KCNQ1: variants seen among roughly 807,000 people sequenced by gnomAD.
KCNQ1 encodes potassium voltage-gated channel subfamily Q member 1.
Under a neutral mutation model 72.4 loss-of-function variants are expected in KCNQ1, and 49 were observed. The ratio of observed to expected loss-of-function variants is 0.68; its 90% confidence interval spans 0.54 to 0.86. The LOEUF (loss-of-function observed/expected upper bound fraction) is 0.86, where lower values mean the gene tolerates loss of function less well. KCNQ1 is among the 40% of genes least tolerant of loss of function. The pLI, the probability that KCNQ1 is intolerant of heterozygous loss-of-function variation, is 0.00. For synonymous variants in KCNQ1, 450 were observed against 412.6 expected (o/e 1.09, Z -1.10); for missense variants, 790 against 945.1 (o/e 0.84, Z 2.15).
At chr11:2,699,703 G>A in intron 11 of KCNQ1, 1 of 225,874 alleles carries the variant, frequency 4.4e-6, no homozygotes. Flanking sequence ...GCCCCGAGGA[G>A]AACGGCGCCG....
At chr11:2,697,292 C>A (rs778384129) in intron 11 of KCNQ1, 3 of 398,444 alleles carry the variant, frequency 7.5e-6, no homozygotes, top group Admixed American at 8.8e-5. Context: ...AGTCGTAACA[C>A]CAAAATGTTT....
At chr11:2,532,428 A>G (rs926654625) in intron 2 of KCNQ1, among the ~76,000 whole-genome samples, 2 of 152,198 alleles carry the variant, frequency 1.3e-5, no homozygotes, top group African/African-American at 4.8e-5. Context: ...CTCTCGAAGC[A>G]CTGGCCGCGT....
At chr11:2,775,082 C>T (rs1033029038) in intron 12 of KCNQ1, among the ~76,000 whole-genome samples, 2 of 152,226 alleles carry the variant, frequency 1.3e-5, no homozygotes, top group African/African-American at 2.4e-5. Context: ...AGTGGCCTCT[C>T]GGGATAGAGG....
chr11:2,662,528 G>A, intron 11 of KCNQ1: 1 of 426,878 alleles, frequency 2.3e-6, no homozygotes, highest in Non-Finnish European at 4.1e-6. Context: ...GGAAATGGCT[G>A]ATTTTCCACG....
At chr11:2,609,601 C>T (rs1439433646) in intron 10 of KCNQ1, 6 of 398,196 alleles carry the variant, frequency 1.5e-5, no homozygotes, top group East Asian at 3.6e-5. Context: ...TTGTACTACA[C>T]ATTATTGAAA....
chr11:2,517,768 T>TG (rs999544201), intron 1 of KCNQ1, among the ~76,000 whole-genome samples: 1 of 152,166 alleles, frequency 6.6e-6, no homozygotes, highest in Admixed American at 6.5e-5. Context: ...ACCTGCCTGC[T>TG]GGGGGGGCCA....
chr11:2,805,406 G>A (rs1227699820), intron 15 of KCNQ1, among the ~76,000 whole-genome samples: 4 of 152,200 alleles, frequency 2.6e-5, no homozygotes, highest in Non-Finnish European at 5.9e-5. Flanking sequence ...AAAAGCACTC[G>A]CCCCGCAGTA....
rs1392419058 is a variant in KCNQ1 at position 2,623,334 on chromosome 11, A to G, written c.1393+34480A>G. On this transcript the variant is annotated intron_variant, in intron 10 of 15. Transcript: ENST00000155840. The surrounding 1 kb of genome is among the most constrained non-coding windows in gnomAD (Gnocchi z 5.2). The stretch of plus-strand genomic sequence containing the variant: ...TGTGAGAACGGACTAATATGCATGT[A>G]TCTACCATTATAGTATCATACAGAT... 5.0e-6 allele frequency: 2 copies of G among 398,542 alleles called. No individual in the cohort carries two copies. The highest frequency in any genetic ancestry group is 8.8e-6 in the Non-Finnish European group (2 of 226,074). The allele number at this position is 398,542 out of a possible 1,614,324, so 24.7% of individuals were successfully genotyped here. A position where few individuals can be genotyped will look rare whatever the true frequency, so the allele number is the denominator to read the frequency against.
At chr11:2,529,237 C>T (rs1198283603) in intron 2 of KCNQ1, among the ~76,000 whole-genome samples, 5 of 152,154 alleles carry the variant, frequency 3.3e-5, no homozygotes, top group Non-Finnish European at 7.3e-5. Flanking sequence ...CTGGACTTTT[C>T]CTTTACCAGG....
chr11:2,570,058 A>G (rs2133725550), intron 2 of KCNQ1, among the ~76,000 whole-genome samples: 1 of 152,258 alleles, frequency 6.6e-6, no homozygotes, highest in Non-Finnish European at 1.5e-5. Context: ...CCGGGGCTGG[A>G]TCTGGTGGGA....
chr11:2,673,315 C>T lies in KCNQ1; in HGVS notation c.1514+11234C>T, dbSNP rs571942516. ...ATCTTGAGAGAAACAATCCCACAGG[C>T]TACCAGGCCAGCTTTTGGAAACAGT... On this transcript the variant is annotated intron_variant, in intron 11 of 15. Transcript: ENST00000155840. This position sits in a 1 kb window ranked among gnomAD's most constrained non-coding sequence, Gnocchi z 4.5. 16 of 398,780 alleles carry T rather than the reference C, an allele frequency of 4.0e-5. No homozygotes were observed. The South Asian group carries it at 1.9e-3, about 48-fold the overall frequency. The allele number at this position is 398,780 out of a possible 1,614,324, so 24.7% of individuals were successfully genotyped here.
chr11:2,681,964 T>G (rs1164544793), intron 11 of KCNQ1: 1 of 398,520 alleles, frequency 2.5e-6, no homozygotes, highest in African/African-American at 2.1e-5. Context: ...TTACACTTCC[T>G]GTTTGCCAGG....
intron 11 of KCNQ1, chr11:2,667,807 C>G (rs1850109989): frequency 7.5e-6 from 3 of 398,528 alleles, no homozygotes; most frequent in South Asian, 2.6e-4. Flanking sequence ...CCTGGGCTAC[C>G]CTGGTATAGG....
rs1849808560 is a variant in KCNQ1 at position 2,654,567 on chromosome 11, A to T, written c.1394-7394A>T. The stretch of plus-strand genomic sequence containing the variant: ...ACCTGGGAGATTAGGCCGGATTTTA[A>T]TCAATCAGGAGGGGAAGGGCAGGGG... On this transcript the variant is annotated intron_variant, in intron 10 of 15. Coordinates refer to ENST00000155840, the MANE Select transcript of KCNQ1 (RefSeq NM_000218.3). This position sits in a 1 kb window ranked among gnomAD's most constrained non-coding sequence, Gnocchi z 6.4. The T allele has an allele frequency of 5.0e-6, 2 of 398,696 alleles. No homozygotes were observed. The highest frequency in any genetic ancestry group is 1.3e-4 in the South Asian group (1 of 7,858). 24.7% of individuals were successfully genotyped at this position (398,696 alleles called of 1,614,324 possible).
intron 11 of KCNQ1, among the ~76,000 whole-genome samples, chr11:2,736,086 G>C (rs1845950890): frequency 6.6e-6 from 1 of 152,106 alleles, no homozygotes; most frequent in Non-Finnish European, 1.5e-5. Flanking sequence ...GGGTTGGGGG[G>C]TGGTCCTTAT....
At chr11:2,719,553 C>A (rs1267343634) in intron 11 of KCNQ1, among the ~76,000 whole-genome samples, 1 of 151,872 alleles carries the variant, frequency 6.6e-6, no homozygotes, top group Non-Finnish European at 1.5e-5. Context: ...GTTCAGAGAA[C>A]ACAGATCAAA....
intron 15 of KCNQ1, among the ~76,000 whole-genome samples, chr11:2,778,602 C>G (rs1366130163): frequency 2.0e-5 from 3 of 151,612 alleles, no homozygotes; most frequent in Non-Finnish European, 4.4e-5. Context: ...GAGCCTCTCC[C>G]CCAGGCACCC....
chr11:2,589,893 C>T (rs567151777), intron 10 of KCNQ1, among the ~76,000 whole-genome samples: 1 of 152,294 alleles, frequency 6.6e-6, no homozygotes, highest in East Asian at 1.9e-4. Flanking sequence ...TCCTATAGGG[C>T]AGGACCGTGA....
Position 2,815,136 on chromosome 11 carries a change from A to C in KCNQ1, c.1795-32631A>C, listed in dbSNP as rs1421965958. Among the ~76,000 whole-genome samples, 1 of 152,168 alleles carries C rather than the reference A, an allele frequency of 6.6e-6. No homozygotes were observed. Among genetic ancestry groups the C allele is most frequent in the Non-Finnish European group, 1.5e-5 (1 of 68,016 alleles). ...CAACAGCCTTATGTGGTCAGTACCA[A>C]TCCCTCCCCAAATTACCCCCATGCT... is the stretch of plus-strand genomic sequence containing the variant. On this transcript the variant is annotated intron_variant, in intron 15 of 15. Transcript: ENST00000155840. The surrounding 1 kb of genome is among the most constrained non-coding windows in gnomAD (Gnocchi z 5.4).
Sources: gnomAD v4.1 joint callset for allele counts (sites outside exome capture counted in the v4.1 genomes callset) on GRCh38, gnomAD v4.1.1 for gene constraint, Gnocchi (gnomAD v3.1) non-coding constraint, MANE v1.5 for transcripts, NCBI Gene and HGNC (gene_info 2026-07-23, HGNC 2026-07-21) for gene names.